Variants in HS6ST3 observed in about 807,000 individuals in gnomAD.
HS6ST3 encodes the protein heparan sulfate 6-O-sulfotransferase 3.
In HS6ST3, 12 loss-of-function variants were observed where a neutral mutation model predicts 36.7. That is an observed-to-expected ratio of 0.33 (90% confidence interval 0.21 to 0.53). The LOEUF (loss-of-function observed/expected upper bound fraction) is 0.53, where lower values mean the gene tolerates loss of function less well. Ranked by LOEUF, HS6ST3 falls within the 20% of genes least tolerant of loss-of-function variation. The probability of loss-of-function intolerance (pLI) is 0.95; values close to 1 mark genes in which losing one functional copy is unlikely to be tolerated. For missense variants in HS6ST3, 584 were observed against 640.9 expected, an observed-to-expected ratio of 0.91 and a Z score of 0.96; for synonymous variants, 240 against 257.5, an observed-to-expected ratio of 0.93 and a Z score of 0.65.
intron 1 of HS6ST3, among the ~76,000 whole-genome samples, chr13:96,777,023 A>T (rs1877403765): frequency 6.6e-6 from 1 of 152,254 alleles, no homozygotes; most frequent in African/African-American, 2.4e-5. Context: ...CCTGGGATGC[A>T]AGGCTGGTTT....
At chr13:96,138,769 T>C (rs1021916776) in intron 1 of HS6ST3, among the ~76,000 whole-genome samples, 3 of 151,994 alleles carry the variant, frequency 2.0e-5, no homozygotes, top group Admixed American at 6.6e-5. Context: ...TGAAAAATAA[T>C]TACATGGGAA....
At chr13:96,832,258 C>T (rs1390814740) in intron 1 of HS6ST3, among the ~76,000 whole-genome samples, 1 of 152,120 alleles carries the variant, frequency 6.6e-6, no homozygotes. Context: ...CCCATGCTTC[C>T]CCACACTGGA....
intron 1 of HS6ST3, among the ~76,000 whole-genome samples, chr13:96,456,695 G>T (rs4131181): frequency 0.62 from 93,660 of 151,878 alleles, 32,085 homozygotes; most frequent in South Asian, 0.79. Context: ...TCTCCCCAGT[G>T]ATGGTATTTA....
chr13:96,115,344 G>A (rs966632389), intron 1 of HS6ST3, among the ~76,000 whole-genome samples: 1 of 152,092 alleles, frequency 6.6e-6, no homozygotes, highest in East Asian at 1.9e-4. Flanking sequence ...ATAGGTGTAC[G>A]TGTACCATGG....
chr13:96,313,441 T>G (rs1419880950), intron 1 of HS6ST3, among the ~76,000 whole-genome samples: 1 of 152,060 alleles, frequency 6.6e-6, no homozygotes, highest in Non-Finnish European at 1.5e-5. Context: ...TCAGAAAGAA[T>G]TAATCCCTCC....
chr13:96,598,125 TC>T (rs1204389959), intron 1 of HS6ST3, among the ~76,000 whole-genome samples: 10 of 152,318 alleles, frequency 6.6e-5, no homozygotes, highest in African/African-American at 2.4e-4. Context: ...AGATTTGCTC[TC>T]TTTTCTTAGG....
intron 1 of HS6ST3, among the ~76,000 whole-genome samples, chr13:96,278,186 G>A (rs2054757801): frequency 6.6e-6 from 1 of 152,148 alleles, no homozygotes; most frequent in South Asian, 2.1e-4. Flanking sequence ...CAAGACCTAT[G>A]ACAATCAATA....
chr13:96,121,014 TAATTA>T (rs1057445973), intron 1 of HS6ST3, among the ~76,000 whole-genome samples: 2 of 152,202 alleles, frequency 1.3e-5, no homozygotes. Flanking sequence ...GAAAAGTGCC[TAATTA>T]AACTTGGGCA....
intron 1 of HS6ST3, among the ~76,000 whole-genome samples, chr13:96,434,848 GATTA>G (rs951610982): frequency 6.6e-6 from 1 of 151,862 alleles, no homozygotes; most frequent in Non-Finnish European, 1.5e-5. Flanking sequence ...TTAATCCCTT[GATTA>G]ATTATAAATT....
At chr13:96,781,312 G>A (rs1165172351) in intron 1 of HS6ST3, among the ~76,000 whole-genome samples, 1 of 152,186 alleles carries the variant, frequency 6.6e-6, no homozygotes, top group Non-Finnish European at 1.5e-5. Context: ...CTAAGCCAGG[G>A]CACGTAGTTG....
At chr13:96,118,284 T>A (rs1327143013) in intron 1 of HS6ST3, among the ~76,000 whole-genome samples, 1 of 152,068 alleles carries the variant, frequency 6.6e-6, no homozygotes, top group Non-Finnish European at 1.5e-5. Flanking sequence ...GAAGTAGAGA[T>A]TAGGATACAG....
intron 1 of HS6ST3, among the ~76,000 whole-genome samples, chr13:96,569,242 TACTGGCCTGAGC>T (rs1303723420): frequency 6.6e-6 from 1 of 152,238 alleles, no homozygotes; most frequent in Non-Finnish European, 1.5e-5. Context: ...AGAAAGAAGT[TACTGGCCTGAGC>T]TCTTGGCTGT....
At chr13:96,114,307 G>T (rs1186148572) in intron 1 of HS6ST3, among the ~76,000 whole-genome samples, 1 of 151,968 alleles carries the variant, frequency 6.6e-6, no homozygotes, top group Non-Finnish European at 1.5e-5. Flanking sequence ...TTGTCACCGT[G>T]CCTGGCTAAT....
chr13:96,638,987 T>A (rs1011047156), intron 1 of HS6ST3, among the ~76,000 whole-genome samples: 1 of 151,986 alleles, frequency 6.6e-6, no homozygotes, highest in Admixed American at 6.6e-5. Flanking sequence ...TAACATATGG[T>A]CTATATGGAG....
chr13:96,727,881 C>T (rs908751677), intron 1 of HS6ST3, among the ~76,000 whole-genome samples: 1 of 152,164 alleles, frequency 6.6e-6, no homozygotes. Flanking sequence ...GGCTAATTTC[C>T]ATACAACTTT....
At chr13:96,384,499 T>G (rs2055357673) in intron 1 of HS6ST3, among the ~76,000 whole-genome samples, 1 of 152,148 alleles carries the variant, frequency 6.6e-6, no homozygotes, top group South Asian at 2.1e-4. Flanking sequence ...TTTTTTCTAT[T>G]GCTAATAAGT....
At chr13:96,366,837 G>C (rs1447679045) in intron 1 of HS6ST3, among the ~76,000 whole-genome samples, 1 of 152,130 alleles carries the variant, frequency 6.6e-6, no homozygotes, top group Admixed American at 6.6e-5. Flanking sequence ...TGAATCATGG[G>C]GGCAGTTTTC....
chr13:96,391,225 A>G (rs138132519), intron 1 of HS6ST3, among the ~76,000 whole-genome samples: 235 of 152,236 alleles, frequency 1.5e-3, no homozygotes, highest in African/African-American at 5.4e-3. Context: ...AGTACATGTA[A>G]GTTTAGAGAT....
At chr13:96,831,954 CAAAAA>C (rs35266831) in intron 1 of HS6ST3, among the ~76,000 whole-genome samples, 320 of 21,854 alleles carry the variant, frequency 0.015, 4 homozygotes, top group African/African-American at 0.053. Context: ...GACTCCCTCT[CAAAAA>C]AAAAAAAAAA....
Sources: allele counts gnomAD v4.1 joint callset (sites outside exome capture counted in the v4.1 genomes callset), GRCh38; gene constraint gnomAD v4.1.1; transcripts MANE v1.5; gene names NCBI Gene and HGNC (gene_info 2026-07-23, HGNC 2026-07-21).